The following DAB1 variants were observed in gnomAD, a reference collection of about 807,000 sequenced individuals.
The protein encoded by DAB1 is disabled homolog 1.
Under a neutral mutation model 64.6 loss-of-function variants are expected in DAB1, and 15 were observed. The observed-to-expected ratio is 0.23, with a 90% CI of 0.16 to 0.36. The LOEUF (loss-of-function observed/expected upper bound fraction) is 0.36. Ranked by LOEUF, DAB1 falls within the 10% of genes least tolerant of loss-of-function variation. The pLI is 1.00. For missense variants in DAB1, 596 were observed against 706.7 expected, an observed-to-expected ratio of 0.84 and a Z score of 1.78; for synonymous variants, 235 against 251.9, an observed-to-expected ratio of 0.93 and a Z score of 0.64.
chr1:57,215,425 G>C (rs1666351279), intron 2 of DAB1, among the ~76,000 whole-genome samples: 1 of 152,178 alleles, frequency 6.6e-6, no homozygotes, highest in African/African-American at 2.4e-5. Flanking sequence ...GCCAGCCTTA[G>C]CCTTGATAGC....
intron 4 of DAB1, among the ~76,000 whole-genome samples, chr1:58,317,687 C>A (rs976279586): frequency 6.6e-6 from 1 of 152,176 alleles, no homozygotes; most frequent in African/African-American, 2.4e-5. Flanking sequence ...CAGATAAGAG[C>A]CCAGCCAAGG....
At chr1:58,433,567 AAG>A (rs67547933) in intron 3 of DAB1, among the ~76,000 whole-genome samples, 21,808 of 113,212 alleles carry the variant, frequency 0.19, 2,151 homozygotes, top group Non-Finnish European at 0.22. Flanking sequence ...GTCCATGCAT[AAG>A]AGAGAGAGAG....
intron 1 of DAB1, among the ~76,000 whole-genome samples, chr1:57,341,623 CTT>C (rs1011456165): frequency 1.9e-4 from 29 of 152,152 alleles, no homozygotes; most frequent in African/African-American, 5.5e-4. Flanking sequence ...AGAGAAAACT[CTT>C]TTGATTTTTT....
chr1:57,187,617 T>A (rs747836904), intron 2 of DAB1, among the ~76,000 whole-genome samples: 46 of 152,202 alleles, frequency 3.0e-4, no homozygotes, highest in Non-Finnish European at 6.2e-4. Flanking sequence ...TTCTTTGACG[T>A]TTCCAAGGTA....
chr1:57,653,364 A>AT (rs1433485056), intron 6 of DAB1, among the ~76,000 whole-genome samples: 3 of 152,070 alleles, frequency 2.0e-5, no homozygotes, highest in African/African-American at 4.8e-5. Flanking sequence ...TTTAAAGCCT[A>AT]TTTTTTCTAA....
chr1:57,249,091 A>G (rs1446750069), intron 2 of DAB1, among the ~76,000 whole-genome samples: 1 of 152,212 alleles, frequency 6.6e-6, no homozygotes, highest in African/African-American at 2.4e-5. Flanking sequence ...TCAATTGTCA[A>G]GTGTCTACTG....
intron 4 of DAB1, among the ~76,000 whole-genome samples, chr1:58,219,807 TA>T (rs1244914576): frequency 6.6e-6 from 1 of 152,228 alleles, no homozygotes; most frequent in African/African-American, 2.4e-5. Flanking sequence ...ATCACAATTG[TA>T]ATTGATTAGC....
intron 4 of DAB1, among the ~76,000 whole-genome samples, chr1:58,204,978 G>A (rs906560148): frequency 3.9e-5 from 6 of 152,122 alleles, no homozygotes; most frequent in African/African-American, 1.4e-4. Context: ...GTATCAGTCT[G>A]GTAGCAGCTC....
chr1:58,302,026 T>C (rs1025895938), intron 4 of DAB1, among the ~76,000 whole-genome samples: 1 of 152,150 alleles, frequency 6.6e-6, no homozygotes, highest in Non-Finnish European at 1.5e-5. Flanking sequence ...CCTCATTTTA[T>C]AGTTCAGGAA....
chr1:58,373,361 C>T (rs1427877006), intron 3 of DAB1, among the ~76,000 whole-genome samples: 1 of 134,454 alleles, frequency 7.4e-6, no homozygotes, highest in Non-Finnish European at 1.7e-5. Context: ...TGTGATATTC[C>T]CCTTCCTGTG....
intron 4 of DAB1, among the ~76,000 whole-genome samples, chr1:58,216,954 T>G (rs1359909039): frequency 6.6e-6 from 1 of 152,216 alleles, no homozygotes; most frequent in Non-Finnish European, 1.5e-5. Flanking sequence ...TTTGCTTTTC[T>G]TCCTACACAA....
Position 57,898,243 on chromosome 1 carries a change from G to A in DAB1, n.388-14081C>T, listed in dbSNP as rs565384062. Reference sequence around the variant, plus strand: ...GGTAACTGAGACTCAGACAAGTTAAGGGGTTTCTGCCAGACAGAGGCTGAC... The same window carrying A: ...GGTAACTGAGACTCAGACAAGTTAAAGGGTTTCTGCCAGACAGAGGCTGAC... On this transcript the variant is annotated intron_variant and non_coding_transcript_variant, in intron 5 of 20. Coordinates refer to the DAB1 transcript ENST00000485760. Among the ~76,000 whole-genome samples the A allele has an allele frequency of 1.4e-4, 21 of 152,282 alleles. No individual in the cohort carries two copies. The South Asian group carries it at 3.9e-3, about 29-fold the overall frequency.
intron 4 of DAB1, among the ~76,000 whole-genome samples, chr1:58,300,740 C>G (rs910393343): frequency 1.3e-5 from 2 of 149,526 alleles, no homozygotes; most frequent in Non-Finnish European, 3.0e-5. Context: ...GGAGAGAAAG[C>G]AAGGAAGTAG....
intron 5 of DAB1, among the ~76,000 whole-genome samples, chr1:58,077,078 A>C (rs1453474908): frequency 6.6e-6 from 1 of 152,132 alleles, no homozygotes; most frequent in Non-Finnish European, 1.5e-5. Context: ...GGTGGGGTTG[A>C]GGCAGGCAGG....
chr1:57,337,874 TCC>T (rs1558192482), intron 1 of DAB1, among the ~76,000 whole-genome samples: 1 of 32,644 alleles, frequency 3.1e-5, no homozygotes, highest in African/African-American at 1.0e-4. Context: ...TTCCCTCCCC[TCC>T]CCTCCCTTCC....
intron 3 of DAB1, among the ~76,000 whole-genome samples, chr1:58,403,297 CAAA>C (rs34798695): frequency 7.0e-6 from 1 of 142,290 alleles, no homozygotes. Context: ...TTTTTGCAGC[CAAA>C]AAAAAAAAAA....
intron 1 of DAB1, among the ~76,000 whole-genome samples, chr1:57,359,616 A>G (rs1163710205): frequency 2.6e-5 from 4 of 152,024 alleles, no homozygotes; most frequent in African/African-American, 9.7e-5. Context: ...TGAAATCAGT[A>G]TGTTGAAGAG....
chr1:57,474,263 C>T (rs1402482878), intron 7 of DAB1, among the ~76,000 whole-genome samples: 1 of 152,156 alleles, frequency 6.6e-6, no homozygotes, highest in Non-Finnish European at 1.5e-5. Flanking sequence ...TAAGCAAGAG[C>T]CTGATACTTG....
chr1:57,151,827 T>A (rs2100846708), intron 2 of DAB1, among the ~76,000 whole-genome samples: 1 of 146,916 alleles, frequency 6.8e-6, no homozygotes, highest in East Asian at 2.0e-4. Flanking sequence ...TTTTTTTTTT[T>A]TTTTGAGACA....
Sources: allele counts gnomAD v4.1 joint callset (sites outside exome capture counted in the v4.1 genomes callset), GRCh38; gene constraint gnomAD v4.1.1; transcripts MANE v1.5; gene names NCBI Gene and HGNC (gene_info 2026-07-23, HGNC 2026-07-21).